The following CRB1 variants were observed in gnomAD, a reference collection of about 807,000 sequenced individuals.
CRB1 encodes the protein protein crumbs homolog 1.
Under a neutral mutation model 120.0 loss-of-function variants are expected in CRB1, and 83 were observed. The observed-to-expected ratio is 0.69, with a 90% CI of 0.58 to 0.83. The LOEUF (loss-of-function observed/expected upper bound fraction) is 0.83. Among genes scored for constraint, CRB1 ranks in the 40% least tolerant of loss-of-function variants. The pLI, the probability that CRB1 is intolerant of heterozygous loss-of-function variation, is 0.00. For missense variants in CRB1, 1,699 were observed against 1,687.6 expected, an observed-to-expected ratio of 1.01 and a Z score of -0.12; for synonymous variants, 625 against 612.5, an observed-to-expected ratio of 1.02 and a Z score of -0.30.
At chr1:197,220,895 C>T in the CRB1 span, among the ~76,000 whole-genome samples, 11 of 152,210 alleles carry the variant, frequency 7.2e-5, no homozygotes, top group African/African-American at 2.7e-4. Context: ...GCTTCCCACT[C>T]ATGCTTCCTG....
intron 5 of CRB1, among the ~76,000 whole-genome samples, chr1:197,414,514 T>C (rs2821109): frequency 0.33 from 50,345 of 151,984 alleles, 8,756 homozygotes; most frequent in African/African-American, 0.43. Flanking sequence ...ACAGTATTAT[T>C]ATGGAATCAG....
At chr1:197,291,621 A>G (rs959694174) in intron 1 of CRB1, among the ~76,000 whole-genome samples, 6 of 151,806 alleles carry the variant, frequency 4.0e-5, no homozygotes, top group South Asian at 2.1e-4. Flanking sequence ...TAGAGATTTT[A>G]TATTTATTTC....
At chr1:197,437,514 A>G (rs958636461) in intron 9 of CRB1, among the ~76,000 whole-genome samples, 7 of 152,156 alleles carry the variant, frequency 4.6e-5, no homozygotes, top group African/African-American at 9.7e-5. Context: ...AAGCCCTCAA[A>G]AATACCTTCT....
the CRB1 span, among the ~76,000 whole-genome samples, chr1:197,262,241 A>G: frequency 2.0e-5 from 3 of 152,162 alleles, no homozygotes; most frequent in African/African-American, 4.8e-5. Context: ...CAGCTGTCCT[A>G]CTTTCTGAAA....
intron 5 of CRB1, among the ~76,000 whole-genome samples, chr1:197,381,514 A>G (rs1455107382): frequency 6.6e-6 from 1 of 152,244 alleles, no homozygotes; most frequent in Non-Finnish European, 1.5e-5. Context: ...GCATTCAGGC[A>G]TCAATTTAAT....
chr1:197,273,550 C>T (rs564525491), intron 1 of CRB1, among the ~76,000 whole-genome samples: 40 of 152,180 alleles, frequency 2.6e-4, no homozygotes, highest in Admixed American at 7.2e-4. Context: ...ATAAATTATT[C>T]GAAATTCTTC....
At chr1:197,354,623 G>A (rs937849873) in intron 4 of CRB1, among the ~76,000 whole-genome samples, 3 of 152,098 alleles carry the variant, frequency 2.0e-5, no homozygotes, top group Non-Finnish European at 4.4e-5. Flanking sequence ...GGTCTTGTTG[G>A]TCTCAGGAGT....
chr1:197,453,257 G>A (rs1666055014), intron 11 of CRB1, among the ~76,000 whole-genome samples: 1 of 146,836 alleles, frequency 6.8e-6, no homozygotes, highest in African/African-American at 2.5e-5. Flanking sequence ...ATAAGTATGT[G>A]TGTATACTTG....
chr1:197,298,532 C>T (rs1037916752), intron 1 of CRB1, among the ~76,000 whole-genome samples: 3 of 152,004 alleles, frequency 2.0e-5, no homozygotes, highest in African/African-American at 7.2e-5. Context: ...ACAAAATGAA[C>T]AAGTTGATTC....
intron 9 of CRB1, 92 bp from the exon 10 acceptor site, chr1:197,438,455 G>A (rs1453205287): frequency 6.8e-7 from 1 of 1,468,348 alleles, no homozygotes; most frequent in African/African-American, 1.4e-5. Flanking sequence ...TAATTAGCTT[G>A]GCATTGACTA....
the CRB1 span, among the ~76,000 whole-genome samples, chr1:197,242,696 T>A: frequency 2.0e-5 from 3 of 152,180 alleles, no homozygotes; most frequent in African/African-American, 7.2e-5. Flanking sequence ...ATAAAATGAG[T>A]TAGGGAGGAG....
intron 1 of CRB1, among the ~76,000 whole-genome samples, chr1:197,305,411 G>T (rs1403113943): frequency 6.6e-6 from 1 of 151,966 alleles, no homozygotes. Context: ...ATACATATAT[G>T]TTCCAAAAAA....
the CRB1 span, among the ~76,000 whole-genome samples, chr1:197,206,455 CTG>C: frequency 6.6e-6 from 1 of 152,076 alleles, no homozygotes; most frequent in East Asian, 1.9e-4. Context: ...GGTTGTGTCA[CTG>C]TTATTGTTCA....
intron 10 of CRB1, 135 bp downstream of exon 10, chr1:197,438,810 G>C (rs1386373940): frequency 1.1e-5 from 12 of 1,132,694 alleles, no homozygotes; most frequent in Middle Eastern, 2.3e-4. Context: ...GGTTCAGACA[G>C]AATGAAACAA....
At chr1:197,423,975 C>T (rs1046323537) in intron 6 of CRB1, among the ~76,000 whole-genome samples, 4 of 152,150 alleles carry the variant, frequency 2.6e-5, no homozygotes, top group Admixed American at 2.0e-4. Flanking sequence ...GAACATGCAG[C>T]ATTCAAGATA....
Position 197,478,393 on chromosome 1 carries a change from C to T in CRB1, c.*514C>T, listed in dbSNP as rs1206638101. 1 of 163,898 alleles carries T rather than the reference C, an allele frequency of 6.1e-6. No individual in the cohort carries two copies. The highest frequency in any genetic ancestry group is 2.4e-5 in the African/African-American group (1 of 41,514). 10.2% of individuals were successfully genotyped at this position (163,898 alleles called of 1,614,324 possible). On this transcript the variant is annotated 3_prime_UTR_variant, in exon 12 of 12. Coordinates refer to ENST00000367400, the MANE Select transcript of CRB1 (RefSeq NM_201253.3). ...CCTTCATTCATGGATTCAGAGAAAG[C>T]TCTGGGAATGACTTATGGTCCAAAA...
chr1:197,404,114 G>T (rs565401404), intron 5 of CRB1, among the ~76,000 whole-genome samples: 24 of 152,298 alleles, frequency 1.6e-4, no homozygotes, highest in Non-Finnish European at 2.9e-4. Context: ...TGTTCTGCAA[G>T]TTGTCATTTC....
intron 11 of CRB1, among the ~76,000 whole-genome samples, chr1:197,472,259 C>T (rs1571633183): frequency 6.6e-6 from 1 of 152,316 alleles, no homozygotes; most frequent in East Asian, 1.9e-4. Flanking sequence ...ATACATACAA[C>T]TGAATTCCAG....
intron 2 of CRB1, among the ~76,000 whole-genome samples, chr1:197,339,127 A>G (rs949867765): frequency 6.6e-6 from 1 of 152,242 alleles, no homozygotes; most frequent in Non-Finnish European, 1.5e-5. Context: ...CAGAAATCTC[A>G]TTGGCTAAAA....
Sources: allele counts gnomAD v4.1 joint callset (sites outside exome capture counted in the v4.1 genomes callset), GRCh38; gene constraint gnomAD v4.1.1; transcripts MANE v1.5; gene names NCBI Gene and HGNC (gene_info 2026-07-23, HGNC 2026-07-21).